Variants in LDLRAP1 observed in about 807,000 individuals in gnomAD.
LDLRAP1 encodes low density lipoprotein receptor adapter protein 1.
Under a neutral mutation model 37.8 loss-of-function variants are expected in LDLRAP1, and 30 were observed. The observed-to-expected ratio is 0.79, with a 90% CI of 0.59 to 1.08. The LOEUF is 1.08. Ranked by LOEUF, LDLRAP1 falls within the 50% of genes least tolerant of loss-of-function variation. The probability of loss-of-function intolerance (pLI) is 0.00; values close to 1 mark genes in which losing one functional copy is unlikely to be tolerated. For missense variants in LDLRAP1, 375 were observed against 401.6 expected, an observed-to-expected ratio of 0.93 and a Z score of 0.57; for synonymous variants, 156 against 169.8, an observed-to-expected ratio of 0.92 and a Z score of 0.63.
At chr1:25,561,675 G>A (rs2044345260) in intron 4 of LDLRAP1, among the ~76,000 whole-genome samples, 1 of 152,220 alleles carries the variant, frequency 6.6e-6, no homozygotes, top group East Asian at 1.9e-4. Flanking sequence ...TGGAATGGCT[G>A]AGAGAGGAAG....
chr1:25,550,263 C>G (rs2044042619), intron 1 of LDLRAP1, among the ~76,000 whole-genome samples: 1 of 152,130 alleles, frequency 6.6e-6, no homozygotes. Context: ...CTGTTGTTTC[C>G]CCCATTTTAA....
chr1:25,556,281 G>A (rs1277825053), intron 3 of LDLRAP1, among the ~76,000 whole-genome samples: 1 of 152,170 alleles, frequency 6.6e-6, no homozygotes, highest in African/African-American at 2.4e-5. Context: ...CTGACTGGAG[G>A]CAACGAGGAG....
chr1:25,583,555 A>G, the LDLRAP1 span, among the ~76,000 whole-genome samples: 5 of 151,854 alleles, frequency 3.3e-5, no homozygotes, highest in Admixed American at 3.3e-4. Context: ...CTAGGTGTAG[A>G]TTTGTTATTG....
Position 25,563,736 on chromosome 1 carries a change from C to T in LDLRAP1, c.692C>T (p.Thr231Ile). ...CTGTCCACGGTCAGCGCCAACACCACCAACATGGACGAGGTGCCGCGGCCA... is the reference window on the plus strand; with the variant it reads ...CTGTCCACGGTCAGCGCCAACACCATCAACATGGACGAGGTGCCGCGGCCA... ...APLSTVSANTTNMDEVPRPQA... is the reference protein window; with the variant it reads ...APLSTVSANTINMDEVPRPQA... The change falls in exon 7 of 9, where the codon ACC (threonine) becomes ATC (isoleucine). Residue 231 changes from threonine to isoleucine, a missense_variant. Thr to Ile is a moderately conservative substitution (Grantham distance 89). Coordinates refer to ENST00000374338, the MANE Select transcript of LDLRAP1 (RefSeq NM_015627.3). 2 of 1,614,008 alleles carry T rather than the reference C, an allele frequency of 1.2e-6. No individual in the cohort carries two copies. Among genetic ancestry groups the T allele is most frequent in the Non-Finnish European group, 1.7e-6 (2 of 1,180,040 alleles).
rs1321578342 is a variant in LDLRAP1, at chr1:25,543,676, G to GGCC, written c.-21_-20insCGC. On this transcript the variant is annotated 5_prime_UTR_variant, in exon 1 of 9. Coordinates refer to ENST00000374338, the MANE Select transcript of LDLRAP1 (RefSeq NM_015627.3). ...CTGACGGAGTTTTGGCTGCGGCAGCGGCGGCGGCGGCCGGAGCGGGCCATG... is the reference window on the plus strand; with the variant it reads ...CTGACGGAGTTTTGGCTGCGGCAGCGGCCGCGGCGGCGGCCGGAGCGGGCCATG... 29 of 1,192,410 alleles carry GGCC rather than the reference G, an allele frequency of 2.4e-5. No homozygotes were observed. Among genetic ancestry groups the GGCC allele is most frequent in the Non-Finnish European group, 3.0e-5 (29 of 958,648 alleles). 73.9% of individuals were successfully genotyped at this position (1,192,410 alleles called of 1,614,324 possible). A position where few individuals can be genotyped will look rare whatever the true frequency, so the allele number is the denominator to read the frequency against.
chr1:25,574,296 A>G, the LDLRAP1 span, among the ~76,000 whole-genome samples: 1 of 152,202 alleles, frequency 6.6e-6, no homozygotes, highest in Non-Finnish European at 1.5e-5. Flanking sequence ...CCTGCTGTGC[A>G]GGGCTCAGTG....
At chr1:25,585,750 C>T in the LDLRAP1 span, among the ~76,000 whole-genome samples, 1 of 152,232 alleles carries the variant, frequency 6.6e-6, no homozygotes, top group Non-Finnish European at 1.5e-5. Context: ...CCCACCCCTT[C>T]TCCCTTTCTA....
Position 25,543,649 on chromosome 1 carries a change from T to C in LDLRAP1, c.-50T>C. 8.5e-7 allele frequency: 1 copy of C among 1,181,460 alleles called. No individual in the cohort carries two copies. The highest frequency in any genetic ancestry group is 3.4e-5 in the East Asian group (1 of 29,306). The allele number at this position is 1,181,460 out of a possible 1,614,324, so 73.2% of individuals were successfully genotyped here. A position where few individuals can be genotyped will look rare whatever the true frequency, so the allele number is the denominator to read the frequency against. ...GCCGCAGGGCCGGGCGGAAAGTTTTTCCTGACGGAGTTTTGGCTGCGGCAG... is the reference window on the plus strand; with the variant it reads ...GCCGCAGGGCCGGGCGGAAAGTTTTCCCTGACGGAGTTTTGGCTGCGGCAG... On this transcript the variant is annotated 5_prime_UTR_variant, in exon 1 of 9. Transcript: ENST00000374338.
Position 25,543,716 on chromosome 1 carries a change from G to T in LDLRAP1, c.18G>T (p.Ser6=). 1 of 1,214,480 alleles carries T rather than the reference G, an allele frequency of 8.2e-7. No homozygotes were observed. Among genetic ancestry groups the T allele is most frequent in the Non-Finnish European group, 1.0e-6 (1 of 976,860 alleles). 75.2% of individuals were successfully genotyped at this position (1,214,480 alleles called of 1,614,324 possible). The part of the protein sequence containing the change: MDALK[S]AGRALIRSPS... Reference sequence around the variant, plus strand: ...AGCGGGCCATGGACGCGCTCAAGTCGGCGGGGCGGGCGCTGATCCGGAGCC... The same window carrying T: ...AGCGGGCCATGGACGCGCTCAAGTCTGCGGGGCGGGCGCTGATCCGGAGCC... Residue 6 remains serine (S), a synonymous_variant, in exon 1 of 9, where the codon TCG becomes TCT. Coordinates refer to ENST00000374338, the MANE Select transcript of LDLRAP1 (RefSeq NM_015627.3).
chr1:25,583,951 G>A, the LDLRAP1 span, among the ~76,000 whole-genome samples: 7,556 of 152,174 alleles, frequency 0.05, 615 homozygotes, highest in African/African-American at 0.17. Context: ...TCACGTTGTA[G>A]CACATGCCAG....
Position 25,566,827 on chromosome 1 carries a change from TCA to T in LDLRAP1, c.783-16_783-15del. 1 of 1,601,522 alleles carries T rather than the reference TCA, an allele frequency of 6.2e-7. No homozygotes were observed. Among genetic ancestry groups the T allele is most frequent in the Non-Finnish European group, 8.5e-7 (1 of 1,174,582 alleles). ...GCCAGCCCTCACCCAGGCTCTCGGC[TCA>T]CACAGCTCTGCCTTCCAGGCTTGCC... On this transcript the variant is annotated intron_variant, in intron 8 of 8. Coordinates refer to ENST00000374338, the MANE Select transcript of LDLRAP1 (RefSeq NM_015627.3).
chr1:25,548,855 C>T (rs545469318), intron 1 of LDLRAP1, among the ~76,000 whole-genome samples: 3 of 152,198 alleles, frequency 2.0e-5, no homozygotes, highest in African/African-American at 7.2e-5. Context: ...GAGGTCTTAC[C>T]ATGTTGTCCA....
chr1:25,577,038 C>T, the LDLRAP1 span, among the ~76,000 whole-genome samples: 4 of 152,294 alleles, frequency 2.6e-5, no homozygotes, highest in East Asian at 5.8e-4. Context: ...TTCCTGCGAG[C>T]GTGGCAGTCG....
At position 25,555,030 on chromosome 1, in the gene LDLRAP1, ATCCCATCTGAATCCAGGCTCTACCACT is replaced by A; in HGVS notation, c.344+62_344+88del. On this transcript the variant is annotated intron_variant, in intron 3 of 8. Coordinates refer to ENST00000374338, the MANE Select transcript of LDLRAP1 (RefSeq NM_015627.3). This position sits in a 1 kb window ranked among gnomAD's most constrained non-coding sequence, Gnocchi z 4.7. Reference sequence around the variant, plus strand: ...TGCCACTTGGGGCAGTGGGTGGAGTATCCCATCTGAATCCAGGCTCTACCACTTCCTACCTGGGTGACATTGGAGCCT... The same window carrying A: ...TGCCACTTGGGGCAGTGGGTGGAGTATCCTACCTGGGTGACATTGGAGCCT... The A allele has an allele frequency of 8.1e-7, 1 of 1,241,770 alleles. No homozygotes were observed. The highest frequency in any genetic ancestry group is 1.5e-5 in the African/African-American group (1 of 67,994). The allele number at this position is 1,241,770 out of a possible 1,614,324, so 76.9% of individuals were successfully genotyped here.
rs1021208471 is a variant in LDLRAP1 at position 25,568,635 on chromosome 1, C to G, written c.*1643C>G. 1.3e-5 allele frequency: 2 copies of G among 152,280 alleles called. No individual in the cohort carries two copies. Among genetic ancestry groups the G allele is most frequent in the Non-Finnish European group, 1.5e-5 (1 of 68,066 alleles). 9.4% of individuals were successfully genotyped at this position (152,280 alleles called of 1,614,324 possible). A position where few individuals can be genotyped will look rare whatever the true frequency, so the allele number is the denominator to read the frequency against. ...CCTTGCCCCTGCTCTGTAGCCACCTCCTTGGCACCGGCCTCTATTTGTCAT... is the reference window on the plus strand; with the variant it reads ...CCTTGCCCCTGCTCTGTAGCCACCTGCTTGGCACCGGCCTCTATTTGTCAT... On this transcript the variant is annotated 3_prime_UTR_variant, in exon 9 of 9. Coordinates refer to ENST00000374338, the MANE Select transcript of LDLRAP1 (RefSeq NM_015627.3).
downstream of LDLRAP1, among the ~76,000 whole-genome samples, chr1:25,569,530 A>G (rs11247899): frequency 0.56 from 84,631 of 151,942 alleles, 24,467 homozygotes; most frequent in African/African-American, 0.72. Context: ...AAATGGTGCA[A>G]TGACCTCCCC....
At chr1:25,574,943 G>A in the LDLRAP1 span, among the ~76,000 whole-genome samples, 1 of 152,294 alleles carries the variant, frequency 6.6e-6, no homozygotes, top group African/African-American at 2.4e-5. Context: ...CTCAGCTGTA[G>A]TTCTTGGAAC....
At chr1:25,569,373 A>G (rs558332013), downstream of LDLRAP1, among the ~76,000 whole-genome samples, 93 of 152,194 alleles carry the variant, frequency 6.1e-4, 1 homozygote, top group Middle Eastern at 0.02. Flanking sequence ...GCCCAGATGA[A>G]CTCAGGATGT....
At chr1:25,557,055 C>A in intron 3 of LDLRAP1, 98 bp from the exon 4 acceptor site, 1 of 869,252 alleles carries the variant, frequency 1.2e-6, no homozygotes, top group Non-Finnish European at 2.0e-6. Context: ...GTGGGAATAG[C>A]AGGTTCTCTG....
Sources: allele counts gnomAD v4.1 joint callset (sites outside exome capture counted in the v4.1 genomes callset), GRCh38; gene constraint gnomAD v4.1.1; non-coding constraint Gnocchi (gnomAD v3.1); transcripts MANE v1.5; gene names NCBI Gene and HGNC (gene_info 2026-07-23, HGNC 2026-07-21).